Variants in PHF20 observed in about 807,000 individuals in gnomAD.
PHF20 encodes PHD finger protein 20.
Under a neutral mutation model 113.5 loss-of-function variants are expected in PHF20, and 23 were observed. The ratio of observed to expected loss-of-function variants is 0.20; its 90% CI spans 0.15 to 0.29. The LOEUF (loss-of-function observed/expected upper bound fraction) is 0.29, where lower values mean the gene tolerates loss of function less well. PHF20 is among the 10% of genes least tolerant of loss of function. PHF20 has a pLI of 1.00. For missense variants in PHF20, 943 were observed against 1,219.6 expected, an observed-to-expected ratio of 0.77 and a Z score of 3.38; for synonymous variants, 434 against 457.3, an observed-to-expected ratio of 0.95 and a Z score of 0.65.
intron 1 of PHF20, among the ~76,000 whole-genome samples, chr20:35,776,963 C>T (rs1248885351): frequency 6.6e-6 from 1 of 152,192 alleles, no homozygotes; most frequent in East Asian, 1.9e-4. Flanking sequence ...CATGTGCTCC[C>T]TTGGGCAGCC....
chr20:35,877,622 C>T (rs74485145), intron 9 of PHF20, among the ~76,000 whole-genome samples: 134 of 150,546 alleles, frequency 8.9e-4, no homozygotes, highest in South Asian at 2.1e-3. Flanking sequence ...CTTTTGCCCA[C>T]GCTGTAGTAC....
intron 1 of PHF20, among the ~76,000 whole-genome samples, chr20:35,789,846 C>A: frequency 4.6e-5 from 1 of 21,932 alleles, no homozygotes; most frequent in Non-Finnish European, 1.2e-4. Context: ...GCGCCCAGCC[C>A]CCGCCCCCCC....
At chr20:35,826,258 G>A (rs1184226045) in intron 2 of PHF20, among the ~76,000 whole-genome samples, 2 of 152,118 alleles carry the variant, frequency 1.3e-5, no homozygotes, top group African/African-American at 4.8e-5. Context: ...TGGCCAGGCC[G>A]GGCTCGAACT....
rs56655276 is a variant in PHF20, at chr20:35,857,562, C to CTTTT, written c.341-719_341-716dup. Among the ~76,000 whole-genome samples the CTTTT allele has an allele frequency of 2.6e-3, 259 of 99,680 alleles. 6 individuals carry two copies. Among genetic ancestry groups the CTTTT allele is most frequent in the African/African-American group, 7.5e-3 (203 of 26,892 alleles). 65.4% of individuals were successfully genotyped at this position (99,680 alleles called of 152,430 possible). On this transcript the variant is annotated intron_variant, in intron 4 of 17. Coordinates refer to ENST00000374012, the MANE Select transcript of PHF20 (RefSeq NM_016436.5). ...CAATACCTTTAGCTGAATGATGTTC[C>CTTTT]TTTTTTTTTTTTTTTTTTTTTTTTG...
intron 10 of PHF20, among the ~76,000 whole-genome samples, chr20:35,904,671 T>C (rs1239073316): frequency 6.6e-6 from 1 of 152,050 alleles, no homozygotes; most frequent in African/African-American, 2.4e-5. Context: ...GAAGTAGTAG[T>C]TCTGGTCTGA....
intron 13 of PHF20, among the ~76,000 whole-genome samples, chr20:35,923,893 A>G (rs2055568793): frequency 6.6e-6 from 1 of 152,166 alleles, no homozygotes; most frequent in Non-Finnish European, 1.5e-5. Context: ...CTGAGACTAC[A>G]TGCACACAAC....
At chr20:35,794,013 A>C (rs2041615874) in intron 1 of PHF20, among the ~76,000 whole-genome samples, 2 of 141,962 alleles carry the variant, frequency 1.4e-5, no homozygotes, top group East Asian at 2.1e-4. Flanking sequence ...AAAAAAAAAA[A>C]AAAAGGCCAG....
At chr20:35,871,327 T>A (rs183097169) in intron 8 of PHF20, among the ~76,000 whole-genome samples, 193 bp downstream of exon 8, 2 of 152,324 alleles carry the variant, frequency 1.3e-5, no homozygotes, top group Admixed American at 1.3e-4. Flanking sequence ...TCTGGATGCA[T>A]TTGTGGTTGG....
chr20:35,803,207 G>C (rs563916211), intron 2 of PHF20, among the ~76,000 whole-genome samples: 2 of 149,264 alleles, frequency 1.3e-5, no homozygotes, highest in African/African-American at 4.9e-5. Flanking sequence ...AGCCAAGATC[G>C]CGCCACTGCA....
At chr20:35,813,161 T>C (rs2042007319) in intron 2 of PHF20, among the ~76,000 whole-genome samples, 2 of 151,792 alleles carry the variant, frequency 1.3e-5, no homozygotes, top group Non-Finnish European at 2.9e-5. Flanking sequence ...TAGTAGAGAC[T>C]GGGTTTCACC....
intron 4 of PHF20, among the ~76,000 whole-genome samples, chr20:35,853,757 CTTT>C (rs775477393): frequency 2.8e-5 from 4 of 140,438 alleles, no homozygotes; most frequent in Non-Finnish European, 3.1e-5. Flanking sequence ...CTATTTCTTT[CTTT>C]TTTTTTTTTT....
chr20:35,800,796 G>C (rs148522518), intron 1 of PHF20, among the ~76,000 whole-genome samples: 1 of 151,952 alleles, frequency 6.6e-6, no homozygotes, highest in Non-Finnish European at 1.5e-5. Context: ...AACAGACCTC[G>C]TACAGCCTTC....
chr20:35,916,461 GTTTTTGTTTTTGA>G (rs147992248), intron 12 of PHF20, among the ~76,000 whole-genome samples: 8,664 of 152,188 alleles, frequency 0.057, 395 homozygotes, highest in African/African-American at 0.13. Context: ...TGTCTATAGA[GTTTTTGTTTTTGA>G]TTTTTGTTTT....
intron 17 of PHF20, among the ~76,000 whole-genome samples, chr20:35,946,803 G>C (rs1245123633): frequency 6.6e-6 from 1 of 151,916 alleles, no homozygotes; most frequent in African/African-American, 2.4e-5. Context: ...TCCGCCTCCC[G>C]GGTTCAAGCA....
At chr20:35,783,874 T>C (rs1185285378) in intron 1 of PHF20, among the ~76,000 whole-genome samples, 1 of 151,764 alleles carries the variant, frequency 6.6e-6, no homozygotes, top group Admixed American at 6.6e-5. Flanking sequence ...TCTCAGCTAC[T>C]CTTGGGAGGC....
chr20:35,810,913 T>G (rs1167583110), intron 2 of PHF20, among the ~76,000 whole-genome samples: 2 of 152,206 alleles, frequency 1.3e-5, no homozygotes, highest in African/African-American at 4.8e-5. Context: ...GTAAGTGATT[T>G]GCTTACATTA....
chr20:35,819,727 G>A (rs1240670256), intron 2 of PHF20, among the ~76,000 whole-genome samples: 1 of 152,012 alleles, frequency 6.6e-6, no homozygotes, highest in Non-Finnish European at 1.5e-5. Flanking sequence ...TGAATGCTGT[G>A]AGTCAGGTGG....
At chr20:35,887,494 C>T (rs1249469085) in intron 9 of PHF20, among the ~76,000 whole-genome samples, 5 of 152,142 alleles carry the variant, frequency 3.3e-5, no homozygotes, top group Admixed American at 2.0e-4. Flanking sequence ...TGCTGGTGCA[C>T]TCAGTTCCTT....
intron 9 of PHF20, among the ~76,000 whole-genome samples, chr20:35,883,558 C>G (rs1311089369): frequency 6.6e-6 from 1 of 152,192 alleles, no homozygotes; most frequent in Non-Finnish European, 1.5e-5. Context: ...CCCCACTGTT[C>G]AGCCTCCTAA....
Sources: gnomAD v4.1 joint callset for allele counts (sites outside exome capture counted in the v4.1 genomes callset) on GRCh38, gnomAD v4.1.1 for gene constraint, MANE v1.5 for transcripts, NCBI Gene and HGNC (gene_info 2026-07-23, HGNC 2026-07-21) for gene names.